VAPA: variants seen among roughly 807,000 people sequenced by gnomAD.
VAPA encodes the protein vesicle-associated membrane protein-associated protein A.
A neutral mutation model predicts 25.6 loss-of-function variants in VAPA; 6 were observed. The observed-to-expected ratio is 0.23, with a 90% CI of 0.13 to 0.46. The LOEUF (loss-of-function observed/expected upper bound fraction) is 0.46. Among genes scored for constraint, VAPA ranks in the 20% least tolerant of loss-of-function variants. VAPA has a pLI of 0.99. For missense variants in VAPA, 244 were observed against 302.1 expected (o/e 0.81, Z 1.43); for synonymous variants, 112 against 106.2 (o/e 1.05, Z -0.34).
At position 9,958,685 on chromosome 18, in the gene VAPA, C is replaced by T. The variant is rs1413823125; in HGVS notation, c.*4474C>T. The T allele has an allele frequency of 6.6e-6, 1 of 152,008 alleles. No homozygotes were observed. The highest frequency in any genetic ancestry group is 2.4e-5 in the African/African-American group (1 of 41,406). 9.4% of individuals were successfully genotyped at this position (152,008 alleles called of 1,614,324 possible). A position where few individuals can be genotyped will look rare whatever the true frequency, so the allele number is the denominator to read the frequency against. On this transcript the variant is annotated 3_prime_UTR_variant, in exon 6 of 6. Transcript: ENST00000400000. ...AGATATGAAGTAGATTTAATTAAGA[C>T]TTGACTTCAGCAATACAGGGGAACT...
intron 4 of VAPA, among the ~76,000 whole-genome samples, chr18:9,938,575 A>AC (rs1347078234): frequency 6.6e-6 from 1 of 152,192 alleles, no homozygotes; most frequent in Non-Finnish European, 1.5e-5. Flanking sequence ...CTGCGGTGGA[A>AC]CTCGAGCAGG....
chr18:9,917,888 C>T (rs895940019), intron 1 of VAPA, among the ~76,000 whole-genome samples: 43 of 152,150 alleles, frequency 2.8e-4, no homozygotes, highest in Admixed American at 4.6e-4. Context: ...TCATGTTTCC[C>T]AGTGGCTATA....
rs191559608 is a variant in VAPA at position 9,959,083 on chromosome 18, G to A, written c.*4872G>A. ...TACTTATCTCCATCCTATGGAATAG[G>A]GGAGACGGGTTTAGACAGGTTCAAT... On this transcript the variant is annotated 3_prime_UTR_variant, in exon 6 of 6. Coordinates refer to ENST00000400000, the MANE Select transcript of VAPA (RefSeq NM_194434.3). The A allele has an allele frequency of 1.3e-5, 2 of 152,228 alleles. No homozygotes were observed. Among genetic ancestry groups the A allele is most frequent in the East Asian group, 1.9e-4 (1 of 5,192 alleles). The allele number at this position is 152,228 out of a possible 1,614,324, so 9.4% of individuals were successfully genotyped here.
At chr18:9,936,965 T>G in intron 3 of VAPA, 21 bp from the exon 4 acceptor site, 1 of 1,607,898 alleles carries the variant, frequency 6.2e-7, no homozygotes, top group Non-Finnish European at 8.5e-7. Flanking sequence ...ATGTCTCATG[T>G]TTGGTTTTGT....
intron 4 of VAPA, chr18:9,948,226 G>GA (rs1327583295): frequency 4.6e-5 from 7 of 152,008 alleles, no homozygotes; most frequent in African/African-American, 1.2e-4. Flanking sequence ...ATTAGAATTA[G>GA]AAAAATCTAA....
intron 4 of VAPA, chr18:9,948,872 C>G (rs974955172): frequency 2.0e-5 from 3 of 152,196 alleles, no homozygotes; most frequent in Admixed American, 6.6e-5. Flanking sequence ...GCTTCATCCT[C>G]TTTAAGTTTT....
At chr18:9,953,529 C>G (rs149480591) in intron 5 of VAPA, among the ~76,000 whole-genome samples, 81 of 152,274 alleles carry the variant, frequency 5.3e-4, no homozygotes, top group African/African-American at 1.9e-3. Context: ...CAAGAACACC[C>G]TTTTGTGCCT....
At chr18:9,923,046 A>G (rs1271639331) in intron 1 of VAPA, among the ~76,000 whole-genome samples, 1 of 152,236 alleles carries the variant, frequency 6.6e-6, no homozygotes, top group Non-Finnish European at 1.5e-5. Context: ...TCACTTTATA[A>G]AAAGTCTAAA....
chr18:9,915,216 G>A (rs1003115947), intron 1 of VAPA, among the ~76,000 whole-genome samples: 1 of 152,200 alleles, frequency 6.6e-6, no homozygotes, highest in Non-Finnish European at 1.5e-5. Context: ...GAAACCTTCA[G>A]TGCGTGTGAC....
At chr18:9,919,491 A>G (rs555739607) in intron 1 of VAPA, among the ~76,000 whole-genome samples, 1 of 152,334 alleles carries the variant, frequency 6.6e-6, no homozygotes, top group Admixed American at 6.5e-5. Flanking sequence ...TCAGAAGAAT[A>G]AAGTGTACCC....
At chr18:9,935,937 CCTT>C (rs1210178900) in intron 2 of VAPA, among the ~76,000 whole-genome samples, 170 bp from the exon 3 acceptor site, 2 of 151,944 alleles carry the variant, frequency 1.3e-5, no homozygotes, top group African/African-American at 4.8e-5. Context: ...TTTCTTGAAC[CCTT>C]CTTGGTTTTT....
chr18:9,923,106 C>T (rs1160459215), intron 1 of VAPA, among the ~76,000 whole-genome samples: 2 of 152,174 alleles, frequency 1.3e-5, no homozygotes, highest in Non-Finnish European at 2.9e-5. Flanking sequence ...TTTTTGCTGA[C>T]TTATGCATCA....
intron 1 of VAPA, chr18:9,923,856 T>C (rs1373849744): frequency 1.3e-5 from 2 of 152,368 alleles, no homozygotes; most frequent in Non-Finnish European, 2.9e-5. Flanking sequence ...TGTTTAAAAG[T>C]CCCTTGTTAT....
At chr18:9,925,338 T>C (rs2069191530) in intron 1 of VAPA, among the ~76,000 whole-genome samples, 1 of 151,896 alleles carries the variant, frequency 6.6e-6, no homozygotes, top group South Asian at 2.1e-4. Flanking sequence ...TTAAAGCCCT[T>C]AGAGGCTTAA....
chr18:9,943,864 T>A (rs1284020696), intron 4 of VAPA, among the ~76,000 whole-genome samples: 3 of 111,584 alleles, frequency 2.7e-5, no homozygotes, highest in African/African-American at 1.0e-4. Flanking sequence ...TTTTTTTTTT[T>A]TTTTTTTTTT....
At chr18:9,921,617 C>G (rs1413131103) in intron 1 of VAPA, among the ~76,000 whole-genome samples, 3 of 152,084 alleles carry the variant, frequency 2.0e-5, no homozygotes, top group African/African-American at 7.2e-5. Flanking sequence ...AACATAGTTT[C>G]TTTTTATCTT....
At chr18:9,932,373 T>G (rs1282365007) in intron 2 of VAPA, among the ~76,000 whole-genome samples, 1 of 152,244 alleles carries the variant, frequency 6.6e-6, no homozygotes, top group East Asian at 1.9e-4. Flanking sequence ...GCCACTTTTT[T>G]GCCTACTGTG....
chr18:9,944,665 T>C (rs1206492105), intron 4 of VAPA, among the ~76,000 whole-genome samples: 3 of 152,262 alleles, frequency 2.0e-5, no homozygotes, highest in African/African-American at 7.2e-5. Context: ...TAAATTTTAA[T>C]AAAGTATGTA....
chr18:9,935,332 G>A (rs78263636), intron 2 of VAPA, among the ~76,000 whole-genome samples: 8,274 of 152,282 alleles, frequency 0.054, 266 homozygotes, highest in South Asian at 0.14. Context: ...AGCACTTCGG[G>A]AGGCTGAGGA....
Sources: gnomAD v4.1 joint callset for allele counts (sites outside exome capture counted in the v4.1 genomes callset) on GRCh38, gnomAD v4.1.1 for gene constraint, MANE v1.5 for transcripts, NCBI Gene and HGNC (gene_info 2026-07-23, HGNC 2026-07-21) for gene names.